LTBP1: variants seen among roughly 807,000 people sequenced by gnomAD.
LTBP1 encodes the protein latent transforming growth factor beta binding protein 1.
Under a neutral mutation model 207.6 loss-of-function variants are expected in LTBP1, and 129 were observed. That is an observed-to-expected ratio of 0.62 (90% confidence interval 0.54 to 0.72). The LOEUF (loss-of-function observed/expected upper bound fraction) is 0.72. Ranked by LOEUF, LTBP1 falls within the 30% of genes least tolerant of loss-of-function variation. LTBP1 has a pLI of 0.00. For synonymous variants in LTBP1, 963 were observed against 833.7 expected (o/e 1.16, Z -2.67); for missense variants, 2,281 against 2,217.2 (o/e 1.03, Z -0.58).
chr2:33,139,678 A>G (rs918367738), intron 5 of LTBP1, among the ~76,000 whole-genome samples: 2 of 152,186 alleles, frequency 1.3e-5, no homozygotes, highest in Admixed American at 6.5e-5. Context: ...GGAACTTGAA[A>G]CATTGGTAAG....
chr2:33,309,343 TA>T, intron 22 of LTBP1, 90 bp from the exon 23 acceptor site: 1 of 851,368 alleles, frequency 1.2e-6, no homozygotes, highest in Non-Finnish European at 1.8e-6. Context: ...ATAAATGATG[TA>T]AAATAGTGTA....
At chr2:32,985,914 T>C (rs1683487449) in intron 2 of LTBP1, among the ~76,000 whole-genome samples, 1 of 152,100 alleles carries the variant, frequency 6.6e-6, no homozygotes, top group African/African-American at 2.4e-5. Flanking sequence ...TTGGCTTCTT[T>C]CCTCCCTTCT....
intron 5 of LTBP1, among the ~76,000 whole-genome samples, chr2:33,176,680 C>T (rs567577465): frequency 6.6e-6 from 1 of 152,232 alleles, no homozygotes; most frequent in African/African-American, 2.4e-5. Context: ...CAGTATAGTG[C>T]ACGACCTGAC....
chr2:33,024,043 T>A (rs2075300061), intron 3 of LTBP1, among the ~76,000 whole-genome samples: 1 of 152,222 alleles, frequency 6.6e-6, no homozygotes, highest in Admixed American at 6.5e-5. Context: ...TTACGTTCAT[T>A]GTGTGTCACA....
At chr2:33,309,894 A>T (rs778128384) in intron 23 of LTBP1, among the ~76,000 whole-genome samples, 3 of 150,492 alleles carry the variant, frequency 2.0e-5, no homozygotes, top group African/African-American at 2.4e-5. Flanking sequence ...TTTGTCTCAT[A>T]GGTGGTATTT....
At chr2:33,388,777 A>G (rs2095289410) in intron 31 of LTBP1, among the ~76,000 whole-genome samples, 1 of 152,166 alleles carries the variant, frequency 6.6e-6, no homozygotes, top group African/African-American at 2.4e-5. Flanking sequence ...AGAGAGCGAA[A>G]AAGCACCTCT....
intron 32 of LTBP1, 64 bp from the exon 33 acceptor site, chr2:33,397,069 T>C: frequency 3.4e-6 from 5 of 1,477,294 alleles, no homozygotes; most frequent in East Asian, 4.7e-5. Flanking sequence ...CATCTAAATA[T>C]CATTTACAAA....
At chr2:33,113,831 A>T (rs937049783) in intron 4 of LTBP1, among the ~76,000 whole-genome samples, 1 of 152,136 alleles carries the variant, frequency 6.6e-6, no homozygotes, top group African/African-American at 2.4e-5. Context: ...TTGTTTATCC[A>T]TTCATCAGTT....
chr2:33,041,956 C>T (rs2076207029), intron 3 of LTBP1, among the ~76,000 whole-genome samples: 1 of 152,112 alleles, frequency 6.6e-6, no homozygotes, highest in African/African-American at 2.4e-5. Flanking sequence ...CATTTTGTTT[C>T]CTTACCAGCC....
chr2:33,106,443 TTAGA>T (rs1326419777), intron 3 of LTBP1, among the ~76,000 whole-genome samples: 4 of 152,252 alleles, frequency 2.6e-5, no homozygotes, highest in African/African-American at 9.6e-5. Context: ...AATGCATTTC[TTAGA>T]TAGGAAGACT....
intron 3 of LTBP1, among the ~76,000 whole-genome samples, chr2:33,049,644 C>G (rs1169742333): frequency 6.6e-6 from 1 of 152,100 alleles, no homozygotes; most frequent in South Asian, 2.1e-4. Flanking sequence ...TCATTTTTAT[C>G]TCAGCCTTCC....
chr2:33,139,019 C>T (rs1172225945), intron 5 of LTBP1, among the ~76,000 whole-genome samples: 10 of 151,034 alleles, frequency 6.6e-5, no homozygotes, highest in Admixed American at 4.0e-4. Context: ...CTACCACGCC[C>T]GGCTAATTTT....
chr2:33,303,566 G>A (rs1257199885), intron 22 of LTBP1, among the ~76,000 whole-genome samples: 1 of 152,032 alleles, frequency 6.6e-6, no homozygotes, highest in East Asian at 1.9e-4. Context: ...TAACCTGGAT[G>A]GTCTTGATCT....
chr2:33,019,480 C>G (rs931080981), intron 2 of LTBP1, among the ~76,000 whole-genome samples: 11 of 151,234 alleles, frequency 7.3e-5, no homozygotes, highest in Non-Finnish European at 1.5e-4. Flanking sequence ...GATTACAGGC[C>G]CCTGCCACCA....
At chr2:33,297,695 A>G (rs1414838724) in intron 20 of LTBP1, among the ~76,000 whole-genome samples, 1 of 152,178 alleles carries the variant, frequency 6.6e-6, no homozygotes, top group African/African-American at 2.4e-5. Context: ...AAGTGCTGGT[A>G]TTACAAGCAT....
chr2:33,246,074 T>C (rs1244770285), intron 10 of LTBP1, among the ~76,000 whole-genome samples: 1 of 149,672 alleles, frequency 6.7e-6, no homozygotes, highest in Non-Finnish European at 1.5e-5. Context: ...TCCATTCTTA[T>C]TTGAAAAATA....
intron 7 of LTBP1, 149 bp downstream of exon 7, chr2:33,189,000 A>C: frequency 1.2e-6 from 1 of 859,536 alleles, no homozygotes; most frequent in Non-Finnish European, 1.8e-6. Flanking sequence ...ATAAAGTTTT[A>C]TTGCCACACT....
intron 5 of LTBP1, among the ~76,000 whole-genome samples, chr2:33,136,590 T>C (rs1170013497): frequency 1.3e-5 from 2 of 152,206 alleles, no homozygotes; most frequent in African/African-American, 4.8e-5. Context: ...CACCACTTTA[T>C]CTTTCTTGGT....
At chr2:33,081,064 T>C (rs1343622056) in intron 3 of LTBP1, among the ~76,000 whole-genome samples, 3 of 152,156 alleles carry the variant, frequency 2.0e-5, no homozygotes, top group South Asian at 4.2e-4. Flanking sequence ...GAGTGAACTT[T>C]TGTGTGGAAG....
Sources: allele counts gnomAD v4.1 joint callset (sites outside exome capture counted in the v4.1 genomes callset), GRCh38; gene constraint gnomAD v4.1.1; transcripts MANE v1.5; gene names NCBI Gene and HGNC (gene_info 2026-07-23, HGNC 2026-07-21).